COL18A1: variants seen among roughly 807,000 people sequenced by gnomAD.
COL18A1 encodes collagen alpha-1(XVIII) chain.
A neutral mutation model predicts 168.0 loss-of-function variants in COL18A1; 133 were observed. The ratio of observed to expected loss-of-function variants is 0.79; its 90% CI spans 0.69 to 0.91. The LOEUF (loss-of-function observed/expected upper bound fraction) is 0.91, where lower values mean the gene tolerates loss of function less well. Among genes scored for constraint, COL18A1 ranks in the 40% least tolerant of loss-of-function variants. The pLI is 0.00. For missense variants in COL18A1, 2,126 were observed against 1,925.4 expected (o/e 1.10, Z -1.95); for synonymous variants, 949 against 809.0 (o/e 1.17, Z -2.94).
intron 32 of COL18A1, among the ~76,000 whole-genome samples, chr21:45,501,984 AGGACCCTCAGGGGCTCCAC>A: frequency 1.3e-5 from 1 of 77,854 alleles, no homozygotes; most frequent in Non-Finnish European, 2.5e-5. Flanking sequence ...CCTCTGCAGA[AGGACCCTCAGGGGCTCCAC>A]AGCCGGTCAC....
At chr21:45,482,675 G>T (rs570797884) in intron 14 of COL18A1, 120 bp from the exon 15 acceptor site, 6 of 1,453,038 alleles carry the variant, frequency 4.1e-6, no homozygotes, top group Non-Finnish European at 5.8e-6. Context: ...CTATTAAACC[G>T]GCACAGGCAG....
In COL18A1 at chr21:45,482,037, C is replaced by T; in HGVS notation, c.1674+12C>T. On this transcript the variant is annotated intron_variant, in intron 14 of 41. Transcript: ENST00000651438. ...AGAAAGGCAGCCTGGTAAGTCTTCC[C>T]TCGAGTCCAGGGTGAGTGGGAACCA... 7 of 1,611,042 alleles carry T rather than the reference C, an allele frequency of 4.3e-6. No homozygotes were observed. Among genetic ancestry groups the T allele is most frequent in the Non-Finnish European group, 5.9e-6 (7 of 1,177,670 alleles).
At chr21:45,482,423 C>T in intron 14 of COL18A1, 1 of 587,896 alleles carries the variant, frequency 1.7e-6, no homozygotes, top group South Asian at 1.6e-5. Context: ...CGGTCTCCAG[C>T]ATGACCTCAG....
Position 45,498,097 on chromosome 21 carries a change from C to T in COL18A1, c.2683+436C>T. The T allele has an allele frequency of 1.6e-6, 1 of 620,574 alleles. No individual in the cohort carries two copies. The highest frequency in any genetic ancestry group is 2.9e-6 in the Non-Finnish European group (1 of 347,812). 38.4% of individuals were successfully genotyped at this position (620,574 alleles called of 1,614,324 possible). Reference sequence around the variant, plus strand: ...GGCCGTCTGGAGGGTGAGCCCAGCACCCCTGCTCCCCCAAAGGACAAGAAT... The same window carrying T: ...GGCCGTCTGGAGGGTGAGCCCAGCATCCCTGCTCCCCCAAAGGACAAGAAT... On this transcript the variant is annotated intron_variant, in intron 32 of 41. Coordinates refer to ENST00000651438, the MANE Select transcript of COL18A1 (RefSeq NM_001379500.1). The surrounding 1 kb of genome is among the most constrained non-coding windows in gnomAD (Gnocchi z 4.5).
intron 2 of COL18A1, among the ~76,000 whole-genome samples, chr21:45,414,543 C>A (rs998978708): frequency 1.3e-5 from 2 of 152,152 alleles, no homozygotes; most frequent in East Asian, 3.9e-4. Flanking sequence ...CAGACCTGGG[C>A]GGCCTCCTGC....
At chr21:45,441,617 A>T (rs988149470) in intron 2 of COL18A1, among the ~76,000 whole-genome samples, 1 of 152,098 alleles carries the variant, frequency 6.6e-6, no homozygotes, top group Non-Finnish European at 1.5e-5. Context: ...GTGATCTGCC[A>T]TCTCTGCTTC....
intron 2 of COL18A1, among the ~76,000 whole-genome samples, chr21:45,466,267 A>G (rs1287213231): frequency 1.3e-5 from 2 of 152,090 alleles, no homozygotes; most frequent in Non-Finnish European, 2.9e-5. Context: ...TGCGGGGAGG[A>G]TGCTGGCTGC....
At chr21:45,479,239 TCA>T (rs1334293890) in intron 9 of COL18A1, among the ~76,000 whole-genome samples, 5 of 151,924 alleles carry the variant, frequency 3.3e-5, no homozygotes, top group Admixed American at 1.3e-4. Context: ...ACAGCACATA[TCA>T]CACACCACAC....
chr21:45,494,938 G>C, intron 28 of COL18A1, 23 bp downstream of exon 28: 1 of 1,603,944 alleles, frequency 6.2e-7, no homozygotes. Context: ...GGTCTCCAGT[G>C]GGGGCGGCAG....
intron 2 of COL18A1, among the ~76,000 whole-genome samples, chr21:45,426,712 G>C (rs1372631366): frequency 6.6e-6 from 1 of 152,246 alleles, no homozygotes; most frequent in Admixed American, 6.5e-5. Flanking sequence ...TGCACGTGCT[G>C]CTGATTGCCC....
At chr21:45,483,463 AC>A (rs1036610588) in intron 15 of COL18A1, among the ~76,000 whole-genome samples, 3 of 150,124 alleles carry the variant, frequency 2.0e-5, no homozygotes, top group Middle Eastern at 3.2e-3. Context: ...TTTATCTGAC[AC>A]CCCCCCAACG....
intron 2 of COL18A1, among the ~76,000 whole-genome samples, chr21:45,428,435 A>G (rs1478811531): frequency 1.3e-5 from 2 of 152,168 alleles, no homozygotes; most frequent in Non-Finnish European, 2.9e-5. Context: ...CCATCTTTTG[A>G]AGGACTGGAA....
At chr21:45,433,269 C>T (rs56013750) in intron 2 of COL18A1, among the ~76,000 whole-genome samples, 29,444 of 152,198 alleles carry the variant, frequency 0.19, 2,914 homozygotes, top group Middle Eastern at 0.25. Context: ...TTTCCACTTA[C>T]GGCTCTTAAA....
At chr21:45,411,643 G>T (rs112729398) in intron 2 of COL18A1, among the ~76,000 whole-genome samples, 2 of 151,766 alleles carry the variant, frequency 1.3e-5, no homozygotes, top group African/African-American at 2.4e-5. Flanking sequence ...AGGGCCCGGC[G>T]CTGTGAGTGA....
At chr21:45,436,622 C>T (rs1003658442) in intron 2 of COL18A1, among the ~76,000 whole-genome samples, 3 of 151,754 alleles carry the variant, frequency 2.0e-5, no homozygotes, top group African/African-American at 7.3e-5. Context: ...AGTGCCCCAC[C>T]CCTGCAGCCC....
Position 45,498,218 on chromosome 21 carries a change from C to CTGTT in COL18A1, c.2683+560_2683+563dup. 1.4e-6 allele frequency: 1 copy of CTGTT among 702,204 alleles called. No individual in the cohort carries two copies. Among genetic ancestry groups the CTGTT allele is most frequent in the East Asian group, 2.7e-5 (1 of 37,248 alleles). 43.5% of individuals were successfully genotyped at this position (702,204 alleles called of 1,614,324 possible). A position where few individuals can be genotyped will look rare whatever the true frequency, so the allele number is the denominator to read the frequency against. On this transcript the variant is annotated intron_variant, in intron 32 of 41. Transcript: ENST00000651438. This position sits in a 1 kb window ranked among gnomAD's most constrained non-coding sequence, Gnocchi z 4.5. ...AGCTGGATAAAATGTGAGAAAACCA[C>CTGTT]TGTTTGAGGATGTCTGGGGGCTGGC... is the stretch of plus-strand genomic sequence containing the variant.
chr21:45,431,697 C>T (rs370350493), intron 2 of COL18A1, among the ~76,000 whole-genome samples: 2 of 151,998 alleles, frequency 1.3e-5, no homozygotes, highest in South Asian at 2.1e-4. Context: ...GACCCCAAGG[C>T]CCCCAAGACA....
At chr21:45,485,209 C>G (rs1396921178) in intron 15 of COL18A1, among the ~76,000 whole-genome samples, 1 of 138,730 alleles carries the variant, frequency 7.2e-6, no homozygotes, top group Non-Finnish European at 1.5e-5. Context: ...TCATGATGGC[C>G]AGGCTGGTCT....
chr21:45,488,518 A>G (rs1602527638), intron 18 of COL18A1, 74 bp downstream of exon 18: 1 of 1,608,754 alleles, frequency 6.2e-7, no homozygotes, highest in East Asian at 2.2e-5. Context: ...GCTGGGGGAG[A>G]CAGGGCCTTG....
Sources: gnomAD v4.1 joint callset for allele counts (sites outside exome capture counted in the v4.1 genomes callset) on GRCh38, gnomAD v4.1.1 for gene constraint, Gnocchi (gnomAD v3.1) non-coding constraint, MANE v1.5 for transcripts, NCBI Gene and HGNC (gene_info 2026-07-23, HGNC 2026-07-21) for gene names.